MYO5B: variants seen among roughly 807,000 people sequenced by gnomAD.
MYO5B encodes unconventional myosin-Vb.
Under a neutral mutation model 229.3 loss-of-function variants are expected in MYO5B, and 143 were observed. The ratio of observed to expected loss-of-function variants is 0.62; its 90% CI spans 0.54 to 0.72. The LOEUF (loss-of-function observed/expected upper bound fraction) is 0.72. Ranked by LOEUF, MYO5B falls within the 30% of genes least tolerant of loss-of-function variation. The pLI is 0.00. For missense variants in MYO5B, 2,321 were observed against 2,331.0 expected (o/e 1.00, Z 0.09); for synonymous variants, 918 against 885.2 (o/e 1.04, Z -0.66).
chr18:50,189,746 A>G (rs1347629899), intron 1 of MYO5B, among the ~76,000 whole-genome samples: 2 of 152,228 alleles, frequency 1.3e-5, no homozygotes, highest in African/African-American at 4.8e-5. Context: ...CAGCCCCTCC[A>G]GCAGGGGTGA....
At position 49,837,497 on chromosome 18, in the gene MYO5B, G is replaced by T; in HGVS notation, c.5138+20C>A. The T allele has an allele frequency of 6.2e-7, 1 of 1,612,300 alleles. No homozygotes were observed. On this transcript the variant is annotated intron_variant, in intron 37 of 39. Transcript: ENST00000285039. ...GAGGGCCCACTCTATCTGTGTTGTT[G>T]GGGGGTGCTCCTCCCTTACCTGAGT...
rs376772881 is a variant in MYO5B, at chr18:49,853,594, T to C, written c.4076A>G (p.Glu1359Gly). 15 of 1,614,094 alleles carry C rather than the reference T, an allele frequency of 9.3e-6. No individual in the cohort carries two copies. The highest frequency in any genetic ancestry group is 1.1e-5 in the Non-Finnish European group (13 of 1,180,042). Residue 1359 changes from glutamate to glycine, a missense_variant, in exon 31 of 40, where the codon GAG (glutamate) becomes GGG (glycine). By Grantham distance (98) the Glu-to-Gly change is moderately conservative. This residue lies in a region of MYO5B where 2,113 missense variants were observed against 2,044.7 expected (regional missense o/e 1.03). Coordinates refer to ENST00000285039, the MANE Select transcript of MYO5B (RefSeq NM_001080467.3). ...GGCCTCGAGCTGAGCCTTGAGATGCTCCACCTCCTCCTCATGCTCCAGGCT... is the reference window on the plus strand; with the variant it reads ...GGCCTCGAGCTGAGCCTTGAGATGCCCCACCTCCTCCTCATGCTCCAGGCT... ...AQSLEHEEEV[E>G]HLKAQLEALK...
At chr18:50,111,293 C>A (rs191720656) in intron 1 of MYO5B, among the ~76,000 whole-genome samples, 2 of 152,174 alleles carry the variant, frequency 1.3e-5, no homozygotes, top group Non-Finnish European at 2.9e-5. Flanking sequence ...AGTTAAACTG[C>A]AGTTATCTCA....
chr18:50,166,730 A>G (rs1705524), intron 1 of MYO5B, among the ~76,000 whole-genome samples: 76,552 of 151,982 alleles, frequency 0.5, 19,633 homozygotes, highest in South Asian at 0.62. Flanking sequence ...ATTCCTCATC[A>G]GGAAATTAGG....
At chr18:50,181,596 C>T (rs1239752594) in intron 1 of MYO5B, among the ~76,000 whole-genome samples, 2 of 152,342 alleles carry the variant, frequency 1.3e-5, no homozygotes, top group East Asian at 1.9e-4. Flanking sequence ...AGGTTTGAAG[C>T]CAGTTTCATA....
At chr18:49,929,752 G>T (rs2025169778) in intron 16 of MYO5B, among the ~76,000 whole-genome samples, 154 bp from the exon 17 acceptor site, 1 of 152,162 alleles carries the variant, frequency 6.6e-6, no homozygotes, top group Admixed American at 6.5e-5. Flanking sequence ...TCAAGTCAGG[G>T]ATTAGGCATA....
At chr18:49,894,107 G>A (rs1158715151) in intron 22 of MYO5B, among the ~76,000 whole-genome samples, 4 of 152,110 alleles carry the variant, frequency 2.6e-5, no homozygotes, top group South Asian at 2.1e-4. Context: ...TCTACCGCAG[G>A]GCCCTTCCTG....
intron 5 of MYO5B, among the ~76,000 whole-genome samples, chr18:49,997,253 C>G (rs1210982892): frequency 8.5e-6 from 1 of 117,470 alleles, no homozygotes; most frequent in Non-Finnish European, 1.7e-5. Flanking sequence ...GGTGACAAAG[C>G]AAGGTCCTGT....
intron 26 of MYO5B, among the ~76,000 whole-genome samples, chr18:49,873,436 T>C (rs1485528949): frequency 6.6e-6 from 1 of 152,170 alleles, no homozygotes; most frequent in Non-Finnish European, 1.5e-5. Context: ...TCTGAGCATC[T>C]CCTGTACTCC....
intron 17 of MYO5B, among the ~76,000 whole-genome samples, chr18:49,917,325 G>C (rs1334875998): frequency 6.6e-6 from 1 of 152,204 alleles, no homozygotes; most frequent in African/African-American, 2.4e-5. Context: ...TTTCCTACCA[G>C]TGTTTCTCAC....
intron 6 of MYO5B, 62 bp from the exon 7 acceptor site, chr18:49,990,582 A>G: frequency 7.1e-7 from 1 of 1,401,554 alleles, no homozygotes. Context: ...TCCCTCTGCC[A>G]CTGTAATCCC....
rs749773270 is a variant in MYO5B, at chr18:49,958,215, T to C, written c.1546-3780A>G. Among the ~76,000 whole-genome samples the C allele has an allele frequency of 2.2e-4, 34 of 152,162 alleles. 1 individual carries two copies. The highest frequency in any genetic ancestry group is 4.4e-5 in the Non-Finnish European group (3 of 68,032). ...AAGTACTGCAGCCAAAAAATAAAACTGAATTTCACTCGGAGAATCACTTCT... is the reference window on the plus strand; with the variant it reads ...AAGTACTGCAGCCAAAAAATAAAACCGAATTTCACTCGGAGAATCACTTCT... On this transcript the variant is annotated intron_variant, in intron 12 of 39. Coordinates refer to ENST00000285039, the MANE Select transcript of MYO5B (RefSeq NM_001080467.3).
intron 4 of MYO5B, among the ~76,000 whole-genome samples, chr18:50,029,546 A>C (rs539957246): frequency 6.6e-6 from 1 of 152,306 alleles, no homozygotes; most frequent in South Asian, 2.1e-4. Flanking sequence ...CTTTACTATA[A>C]AATTCACCCA....
At position 50,040,152 on chromosome 18, in the gene MYO5B, T is replaced by C. The variant is rs1294631057; in HGVS notation, c.301A>G (p.Thr101Ala). Residue 101 changes from threonine (T) to alanine (A), a missense_variant, in exon 3 of 40, where the codon ACT (threonine) becomes GCT (alanine). Transcript: ENST00000285039. ...GATGCCCCCCACTTACCACAGTAAG[T>C]GTAGATATGGTTGGACTCCAGGAAA... ...VRFLESNHIY[T>A]YCGIVLVAIN... 1 of 1,614,066 alleles carries C rather than the reference T, an allele frequency of 6.2e-7. No individual in the cohort carries two copies. Among genetic ancestry groups the C allele is most frequent in the East Asian group, 2.2e-5 (1 of 44,880 alleles).
At chr18:50,066,630 A>T (rs145237187) in intron 1 of MYO5B, among the ~76,000 whole-genome samples, 25 of 152,338 alleles carry the variant, frequency 1.6e-4, no homozygotes, top group African/African-American at 5.8e-4. Flanking sequence ...ATCAGAAGGA[A>T]AAAATGTTCC....
intron 2 of MYO5B, among the ~76,000 whole-genome samples, chr18:50,043,145 C>T (rs1005833059): frequency 6.7e-6 from 1 of 150,014 alleles, no homozygotes; most frequent in Non-Finnish European, 1.5e-5. Context: ...ACGTTTATAG[C>T]AGCACAATTC....
chr18:49,944,115 T>C (rs904972811), intron 14 of MYO5B, among the ~76,000 whole-genome samples: 4 of 152,054 alleles, frequency 2.6e-5, no homozygotes, highest in Admixed American at 2.0e-4. Context: ...CATTAAAGGG[T>C]TAAAATAACA....
chr18:50,055,225 GC>G, intron 2 of MYO5B, 42 bp downstream of exon 2: 2 of 700,372 alleles, frequency 2.9e-6, no homozygotes, highest in Non-Finnish European at 2.7e-6. Flanking sequence ...TGAGCTCCCT[GC>G]CCCACCTCAC....
At chr18:49,858,543 T>TG (rs1463709620) in intron 29 of MYO5B, among the ~76,000 whole-genome samples, 2 of 152,160 alleles carry the variant, frequency 1.3e-5, no homozygotes, top group Non-Finnish European at 2.9e-5. Flanking sequence ...GAGGGGCTGC[T>TG]GGGGCTCTGT....
Sources: gnomAD v4.1 joint callset for allele counts (sites outside exome capture counted in the v4.1 genomes callset) on GRCh38, gnomAD v4.1.1 for gene constraint, gnomAD v4.1.1 regional missense constraint, MANE v1.5 for transcripts, NCBI Gene and HGNC (gene_info 2026-07-23, HGNC 2026-07-21) for gene names.